Variants in TLK1 observed in about 807,000 individuals in gnomAD.
TLK1 encodes the protein serine/threonine-protein kinase tousled-like 1.
A neutral mutation model predicts 105.3 loss-of-function variants in TLK1; 24 were observed. The ratio of observed to expected loss-of-function variants is 0.23; its 90% CI spans 0.17 to 0.32. TLK1 has a LOEUF of 0.32. Ranked by LOEUF, TLK1 falls within the 10% of genes least tolerant of loss-of-function variation. The pLI, the probability that TLK1 is intolerant of heterozygous loss-of-function variation, is 1.00. For synonymous variants in TLK1, 321 were observed against 310.4 expected, an observed-to-expected ratio of 1.03 and a Z score of -0.36; for missense variants, 558 against 910.5, an observed-to-expected ratio of 0.61 and a Z score of 4.98.
At chr2:171,223,594 C>G (rs1693846926) in intron 1 of TLK1, among the ~76,000 whole-genome samples, 1 of 151,772 alleles carries the variant, frequency 6.6e-6, no homozygotes, top group Non-Finnish European at 1.5e-5. Flanking sequence ...ATTCTCCTGC[C>G]TCAGCCTCCT....
chr2:171,116,210 C>T (rs929798942), intron 2 of TLK1, among the ~76,000 whole-genome samples: 7 of 152,042 alleles, frequency 4.6e-5, no homozygotes, highest in African/African-American at 1.7e-4. Flanking sequence ...CAACAGAGAC[C>T]ATGAACAAAG....
Position 170,991,399 on chromosome 2 carries a change from T to C in TLK1, c.*2381A>G, listed in dbSNP as rs1683776418. The stretch of plus-strand genomic sequence containing the variant: ...AGTAAGTTATTCAATGTGGCTAAAT[T>C]AGCCATCTTGGTTAGCCATCTTGGA... On this transcript the variant is annotated 3_prime_UTR_variant, in exon 21 of 21. Coordinates refer to ENST00000431350, the MANE Select transcript of TLK1 (RefSeq NM_012290.5). 1 of 152,166 alleles carries C rather than the reference T, an allele frequency of 6.6e-6. No individual in the cohort carries two copies. Among genetic ancestry groups the C allele is most frequent in the Non-Finnish European group, 1.5e-5 (1 of 68,030 alleles). 9.4% of individuals were successfully genotyped at this position (152,166 alleles called of 1,614,324 possible). A position where few individuals can be genotyped will look rare whatever the true frequency, so the allele number is the denominator to read the frequency against.
intron 1 of TLK1, among the ~76,000 whole-genome samples, chr2:171,194,588 C>T (rs560388305): frequency 4.0e-5 from 6 of 151,870 alleles, no homozygotes; most frequent in African/African-American, 7.3e-5. Context: ...GAGGCCGAGG[C>T]GGGCGGATCA....
At chr2:171,059,174 T>C (rs1687633427) in intron 4 of TLK1, among the ~76,000 whole-genome samples, 1 of 152,220 alleles carries the variant, frequency 6.6e-6, no homozygotes. Flanking sequence ...AGGTCAGAGA[T>C]GACTGTAAAG....
chr2:171,091,715 TTTGTTGTTG>T (rs71399599), intron 2 of TLK1: 3,782 of 148,328 alleles, frequency 0.025, 62 homozygotes, highest in African/African-American at 0.045. Context: ...GGGGGGTGTC[TTTGTTGTTG>T]TTGTTGTTGT....
At chr2:171,121,998 G>A (rs1353994989) in intron 1 of TLK1, among the ~76,000 whole-genome samples, 2 of 152,204 alleles carry the variant, frequency 1.3e-5, no homozygotes, top group Non-Finnish European at 2.9e-5. Flanking sequence ...CCAGGCTGGA[G>A]TGTAGTGGTG....
At chr2:171,090,532 A>T (rs1689183646) in intron 2 of TLK1, among the ~76,000 whole-genome samples, 3 of 152,206 alleles carry the variant, frequency 2.0e-5, no homozygotes, top group Non-Finnish European at 4.4e-5. Context: ...TGAGGAAGAG[A>T]ACTACTTATC....
At chr2:171,190,659 T>A (rs1406205564) in intron 1 of TLK1, among the ~76,000 whole-genome samples, 1 of 152,210 alleles carries the variant, frequency 6.6e-6, no homozygotes, top group Non-Finnish European at 1.5e-5. Context: ...CTATTCTATG[T>A]AAAATGTTCT....
At chr2:171,001,223 G>A (rs1212340441) in intron 18 of TLK1, among the ~76,000 whole-genome samples, 1 of 152,088 alleles carries the variant, frequency 6.6e-6, no homozygotes, top group East Asian at 1.9e-4. Context: ...CTGTCTACTG[G>A]TGTCCTCTTT....
At chr2:171,141,069 G>A (rs1691553093) in intron 1 of TLK1, among the ~76,000 whole-genome samples, 1 of 151,946 alleles carries the variant, frequency 6.6e-6, no homozygotes, top group African/African-American at 2.4e-5. Context: ...AATGCACACA[G>A]GAATAAAAAG....
chr2:171,225,239 A>T (rs1219475277), intron 1 of TLK1, among the ~76,000 whole-genome samples: 1 of 152,216 alleles, frequency 6.6e-6, no homozygotes, highest in Admixed American at 6.5e-5. Context: ...TCATATGTAT[A>T]ATAAGGGTCT....
intron 10 of TLK1, among the ~76,000 whole-genome samples, chr2:171,048,520 T>C (rs1687066871): frequency 6.6e-6 from 1 of 152,198 alleles, no homozygotes; most frequent in African/African-American, 2.4e-5. Flanking sequence ...TCTAATAATA[T>C]TTTCACATTA....
intron 2 of TLK1, among the ~76,000 whole-genome samples, chr2:171,098,836 GAACAA>G (rs971417249): frequency 1.6e-4 from 25 of 151,906 alleles, no homozygotes; most frequent in Admixed American, 1.6e-3. Flanking sequence ...TATATTAACA[GAACAA>G]AAAATAACCA....
rs1683835496 is a variant in TLK1 at position 170,992,714 on chromosome 2, T to C, written c.*1066A>G. On this transcript the variant is annotated 3_prime_UTR_variant, in exon 21 of 21. Transcript: ENST00000431350. The stretch of plus-strand genomic sequence containing the variant: ...TTAATATCTATGATGTACAGTCAAC[T>C]TGCACCTTCTAGGTCATTTAATTTT... 6.6e-6 allele frequency: 1 copy of C among 152,608 alleles called. No individual in the cohort carries two copies. Among genetic ancestry groups the C allele is most frequent in the Non-Finnish European group, 1.5e-5 (1 of 68,010 alleles). The allele number at this position is 152,608 out of a possible 1,614,324, so 9.5% of individuals were successfully genotyped here.
intron 1 of TLK1, among the ~76,000 whole-genome samples, chr2:171,126,159 C>T (rs1212565826): frequency 2.0e-5 from 3 of 152,132 alleles, no homozygotes; most frequent in East Asian, 1.9e-4. Flanking sequence ...TCTTACTATC[C>T]TGTTTCCCAA....
chr2:171,057,815 C>T (rs775468399), intron 5 of TLK1, among the ~76,000 whole-genome samples: 2 of 152,132 alleles, frequency 1.3e-5, no homozygotes, highest in Non-Finnish European at 1.5e-5. Flanking sequence ...ACTGCTGCCA[C>T]GGTCTGACTG....
chr2:171,006,112 T>C (rs780147936), intron 18 of TLK1, 35 bp downstream of exon 18: 8 of 1,510,124 alleles, frequency 5.3e-6, no homozygotes, highest in Non-Finnish European at 7.1e-6. Context: ...TGGGCACCAA[T>C]CTAGACATTC....
intron 12 of TLK1, among the ~76,000 whole-genome samples, chr2:171,015,807 C>A (rs1685177325): frequency 6.6e-6 from 1 of 152,044 alleles, no homozygotes; most frequent in Non-Finnish European, 1.5e-5. Context: ...TGCAGTGGCT[C>A]ACACCTGTAA....
At chr2:171,134,115 T>C (rs946600363) in intron 1 of TLK1, among the ~76,000 whole-genome samples, 1 of 152,218 alleles carries the variant, frequency 6.6e-6, no homozygotes, top group Admixed American at 6.5e-5. Context: ...TAAATTTATC[T>C]GCTTAACAGA....
Sources: allele counts gnomAD v4.1 joint callset (sites outside exome capture counted in the v4.1 genomes callset), GRCh38; gene constraint gnomAD v4.1.1; transcripts MANE v1.5; gene names NCBI Gene and HGNC (gene_info 2026-07-23, HGNC 2026-07-21).